The following FBXW10B variants were observed in gnomAD, a reference collection of about 807,000 sequenced individuals.
FBXW10B encodes the protein F-box and WD repeat domain containing 10B.
the FBXW10B span, among the ~76,000 whole-genome samples, chr17:15,601,332 C>A: frequency 6.7e-6 from 1 of 148,506 alleles, no homozygotes; most frequent in Non-Finnish European, 1.5e-5. Flanking sequence ...TGGCGTGAAC[C>A]CAGGAGGCGG....
chr17:15,601,029 A>G, the FBXW10B span, among the ~76,000 whole-genome samples: 2 of 102,424 alleles, frequency 2.0e-5, no homozygotes, highest in Non-Finnish European at 3.6e-5. Flanking sequence ...CCAGCCTGGC[A>G]ACAGAGCGAG....
chr17:15,601,073 T>C, the FBXW10B span, among the ~76,000 whole-genome samples: 1 of 72,930 alleles, frequency 1.4e-5, no homozygotes, highest in Non-Finnish European at 2.9e-5. Context: ...AAAAAAAAGA[T>C]AATATATTGT....
At chr17:15,612,838 A>G in the FBXW10B span, 1 of 1,604,422 alleles carries the variant, frequency 6.2e-7, no homozygotes, top group African/African-American at 1.4e-5. Context: ...AAAAACAAAA[A>G]AAAACCAAAA....
the FBXW10B span, among the ~76,000 whole-genome samples, chr17:15,591,644 A>G: frequency 8.5e-5 from 13 of 152,292 alleles, no homozygotes; most frequent in African/African-American, 2.9e-4. Flanking sequence ...CCATGTACCT[A>G]GGGTGCCAAG....
the FBXW10B span, chr17:15,594,689 G>A: frequency 6.3e-7 from 1 of 1,578,786 alleles, no homozygotes; most frequent in South Asian, 1.1e-5. Flanking sequence ...TGCAGTCTAG[G>A]CTATGACGGG....
chr17:15,595,035 C>T, the FBXW10B span: 2 of 1,285,508 alleles, frequency 1.6e-6, no homozygotes, highest in Non-Finnish European at 2.1e-6. Flanking sequence ...GCTAATCCTG[C>T]TTTTGCTCTA....
At chr17:15,600,571 A>G in the FBXW10B span, among the ~76,000 whole-genome samples, 1 of 151,122 alleles carries the variant, frequency 6.6e-6, no homozygotes, top group African/African-American at 2.4e-5. Flanking sequence ...AGTAAAAGGT[A>G]TAAGCCAAAG....
the FBXW10B span, among the ~76,000 whole-genome samples, chr17:15,579,349 A>T: frequency 6.6e-6 from 1 of 152,106 alleles, no homozygotes; most frequent in South Asian, 2.1e-4. Context: ...CTGAATTTAC[A>T]TCAGTCATCT....
the FBXW10B span, among the ~76,000 whole-genome samples, chr17:15,615,423 G>A: frequency 2.1e-5 from 3 of 144,350 alleles, no homozygotes; most frequent in Non-Finnish European, 3.0e-5. Context: ...CCGGCTTCAC[G>A]CCCTTCTGCT....
the FBXW10B span, among the ~76,000 whole-genome samples, chr17:15,580,125 C>T: frequency 6.6e-6 from 1 of 151,360 alleles, no homozygotes; most frequent in Non-Finnish European, 1.5e-5. Flanking sequence ...CAACCCTCAG[C>T]ATGAACCATG....
At chr17:15,593,711 C>G in the FBXW10B span, among the ~76,000 whole-genome samples, 13 of 151,616 alleles carry the variant, frequency 8.6e-5, no homozygotes, top group Admixed American at 8.5e-4. Flanking sequence ...TCACTGCAAC[C>G]TGCACCTACC....
chr17:15,607,388 C>A, the FBXW10B span, among the ~76,000 whole-genome samples: 2 of 145,530 alleles, frequency 1.4e-5, no homozygotes, highest in Non-Finnish European at 3.0e-5. Flanking sequence ...TGTCCTTTAC[C>A]CACTGCCAAG....
At chr17:15,613,436 A>G in the FBXW10B span, 1 of 532,030 alleles carries the variant, frequency 1.9e-6, no homozygotes, top group Non-Finnish European at 2.3e-6. Context: ...ACAATGAAAG[A>G]GTACTCAGTT....
At chr17:15,567,034 G>C in the FBXW10B span, among the ~76,000 whole-genome samples, 1 of 151,540 alleles carries the variant, frequency 6.6e-6, no homozygotes, top group Non-Finnish European at 1.5e-5. Flanking sequence ...CACTTTGGGA[G>C]ACCCAGGCGG....
At chr17:15,609,614 A>T in the FBXW10B span, among the ~76,000 whole-genome samples, 1 of 151,604 alleles carries the variant, frequency 6.6e-6, no homozygotes, top group African/African-American at 2.4e-5. Flanking sequence ...CCACATCCAT[A>T]AACTGGGAGC....
chr17:15,566,555 T>G, the FBXW10B span, among the ~76,000 whole-genome samples: 2 of 150,682 alleles, frequency 1.3e-5, no homozygotes, highest in African/African-American at 2.5e-5. Context: ...AAACAAATTT[T>G]TTTGTTTGTT....
At chr17:15,598,444 T>C in the FBXW10B span, 1 of 1,608,764 alleles carries the variant, frequency 6.2e-7, no homozygotes, top group South Asian at 1.1e-5. Context: ...AATGAGTGCC[T>C]GCCTATAGAA....
chr17:15,613,667 T>A, the FBXW10B span: 7 of 1,601,356 alleles, frequency 4.4e-6, no homozygotes, highest in Non-Finnish European at 5.1e-6. Context: ...CAAGTCCATC[T>A]TGACCTGTTG....
At chr17:15,596,737 T>C in the FBXW10B span, 451 of 1,479,706 alleles carry the variant, frequency 3.0e-4, 3 homozygotes, top group South Asian at 2.6e-3. Flanking sequence ...AGTGGAGTTC[T>C]GCTCCCCATC....
Sources: allele counts gnomAD v4.1 joint callset (sites outside exome capture counted in the v4.1 genomes callset), GRCh38; gene constraint gnomAD v4.1.1; transcripts MANE v1.5; gene names NCBI Gene and HGNC (gene_info 2026-07-23, HGNC 2026-07-21).